Variants in NAALADL2 observed in about 807,000 individuals in gnomAD.
NAALADL2 encodes the protein inactive N-acetylated-alpha-linked acidic dipeptidase-like protein 2.
Under a neutral mutation model 87.2 loss-of-function variants are expected in NAALADL2, and 76 were observed. The observed-to-expected ratio is 0.87, with a 90% CI of 0.72 to 1.05. The LOEUF (loss-of-function observed/expected upper bound fraction) is 1.05, where lower values mean the gene tolerates loss of function less well. Ranked by LOEUF, NAALADL2 falls within the 50% of genes least tolerant of loss-of-function variation. The pLI is 0.00. For missense variants in NAALADL2, 1,089 were observed against 945.8 expected, an observed-to-expected ratio of 1.15 and a Z score of -1.99; for synonymous variants, 354 against 331.0, an observed-to-expected ratio of 1.07 and a Z score of -0.75.
intron 2 of NAALADL2, among the ~76,000 whole-genome samples, chr3:174,654,385 G>T (rs1330853683): frequency 6.6e-6 from 1 of 152,136 alleles, no homozygotes; most frequent in East Asian, 1.9e-4. Context: ...TGAAATCAAT[G>T]ATTCTTAAAT....
At chr3:175,398,538 T>C (rs1051598485) in intron 5 of NAALADL2, among the ~76,000 whole-genome samples, 6 of 136,752 alleles carry the variant, frequency 4.4e-5, no homozygotes, top group Non-Finnish European at 9.8e-5. Flanking sequence ...TAAAAACAAC[T>C]ATAAGGAAGT....
intron 2 of NAALADL2, among the ~76,000 whole-genome samples, chr3:174,604,975 ACTC>A (rs1718850725): frequency 6.8e-6 from 1 of 147,866 alleles, no homozygotes; most frequent in Admixed American, 6.7e-5. Context: ...CTGATCTTGA[ACTC>A]CTGACCTCAG....
chr3:174,593,129 T>A lies in NAALADL2; in HGVS notation c.-115+42492T>A, dbSNP rs556520804. On this transcript the variant is annotated intron_variant, in intron 2 of 3. Coordinates refer to the NAALADL2 transcript ENST00000434257. ...AGAATTGTCAAATATATTCTTTACA[T>A]CTTGGATGGTAGCTAATTATAATAC... Among the ~76,000 whole-genome samples, 6 of 152,274 alleles carry A rather than the reference T, an allele frequency of 3.9e-5. No individual in the cohort carries two copies. The South Asian group carries it at 1.2e-3, about 32-fold the overall frequency.
intron 11 of NAALADL2, among the ~76,000 whole-genome samples, chr3:175,631,104 T>C (rs996306806): frequency 6.6e-6 from 1 of 151,656 alleles, no homozygotes; most frequent in Admixed American, 6.6e-5. Flanking sequence ...ACTATTATCC[T>C]CTTCCAATGA....
At chr3:175,174,235 C>T (rs560174514) in intron 2 of NAALADL2, among the ~76,000 whole-genome samples, 1 of 152,182 alleles carries the variant, frequency 6.6e-6, no homozygotes, top group East Asian at 1.9e-4. Flanking sequence ...CAAGTTACCC[C>T]GTGTTTAATA....
At chr3:175,468,605 CA>C (rs1582017518) in intron 8 of NAALADL2, among the ~76,000 whole-genome samples, 1 of 151,776 alleles carries the variant, frequency 6.6e-6, no homozygotes, top group African/African-American at 2.4e-5. Flanking sequence ...TTTGCTATTT[CA>C]AACTATATTT....
intron 1 of NAALADL2, among the ~76,000 whole-genome samples, chr3:174,495,043 G>A (rs1718428819): frequency 6.6e-6 from 1 of 152,128 alleles, no homozygotes; most frequent in Non-Finnish European, 1.5e-5. Context: ...GAAAGTGAAT[G>A]TAATAGTGTT....
Position 175,667,245 on chromosome 3 carries a change from GAAAGAAAGAAAGAAAGA to G in NAALADL2, c.1896+39862_1896+39878del, listed in dbSNP as rs1560943763. 4.8e-3 allele frequency among the ~76,000 whole-genome samples: 590 copies of G among 122,462 alleles called. 10 individuals are homozygous for G. Among genetic ancestry groups the G allele is most frequent in the African/African-American group, 0.013 (360 of 28,750 alleles). 80.3% of individuals were successfully genotyped at this position (122,462 alleles called of 152,430 possible). ...AAAGAAAGAAAGAAAGAAAGAAAAA[GAAAGAAAGAAAGAAAGA>G]AAGGAAGGAAGGGATGGGGATCTGA... On this transcript the variant is annotated intron_variant, in intron 11 of 13. Coordinates refer to ENST00000454872, the MANE Select transcript of NAALADL2 (RefSeq NM_207015.3).
chr3:175,392,569 C>T (rs1769209144), intron 5 of NAALADL2, among the ~76,000 whole-genome samples: 1 of 152,100 alleles, frequency 6.6e-6, no homozygotes, highest in Non-Finnish European at 1.5e-5. Flanking sequence ...ATTTATTTCC[C>T]TCATGATTTT....
intron 9 of NAALADL2, among the ~76,000 whole-genome samples, chr3:175,481,117 T>C (rs1055751373): frequency 2.0e-5 from 3 of 151,954 alleles, no homozygotes; most frequent in South Asian, 2.1e-4. Context: ...AAAAGCAGTA[T>C]TATCATTGGT....
intron 6 of NAALADL2, chr3:175,460,180 G>T (rs1279330917): frequency 2.2e-6 from 1 of 456,460 alleles, no homozygotes; most frequent in Non-Finnish European, 4.4e-6. Flanking sequence ...CAGCAGGTGT[G>T]TCTTTAGAGC....
At chr3:174,607,878 ACAC>A in intron 2 of NAALADL2, among the ~76,000 whole-genome samples, 1 of 151,936 alleles carries the variant, frequency 6.6e-6, no homozygotes, top group South Asian at 2.1e-4. Context: ...TTTCAGCACC[ACAC>A]CACACCTATT....
intron 3 of NAALADL2, among the ~76,000 whole-genome samples, chr3:174,829,652 A>G (rs1331047178): frequency 7.0e-6 from 1 of 142,488 alleles, no homozygotes; most frequent in East Asian, 2.0e-4. Flanking sequence ...GGCTGGGTCA[A>G]ATGGTATTTC....
At chr3:175,115,744 A>T (rs1725012141) in intron 2 of NAALADL2, among the ~76,000 whole-genome samples, 1 of 151,626 alleles carries the variant, frequency 6.6e-6, no homozygotes, top group South Asian at 2.1e-4. Context: ...AGTCAGATTT[A>T]AAAATTTCAT....
intron 2 of NAALADL2, among the ~76,000 whole-genome samples, chr3:175,160,971 A>G (rs963684294): frequency 6.6e-6 from 1 of 152,162 alleles, no homozygotes; most frequent in African/African-American, 2.4e-5. Flanking sequence ...AACAAAATGT[A>G]TCTTGGAATT....
At chr3:175,035,600 G>C (rs1753315562) in intron 1 of NAALADL2, among the ~76,000 whole-genome samples, 1 of 151,844 alleles carries the variant, frequency 6.6e-6, no homozygotes, top group Non-Finnish European at 1.5e-5. Flanking sequence ...TTGATGCTGT[G>C]TTTTAATATT....
chr3:175,698,594 A>G (rs771186863), intron 11 of NAALADL2, among the ~76,000 whole-genome samples: 4 of 149,920 alleles, frequency 2.7e-5, no homozygotes, highest in South Asian at 4.2e-4. Context: ...AGACTGTTAT[A>G]TCATTAAAGA....
At chr3:175,350,175 T>G (rs568195520) in intron 5 of NAALADL2, among the ~76,000 whole-genome samples, 73 of 152,306 alleles carry the variant, frequency 4.8e-4, no homozygotes, top group African/African-American at 1.7e-3. Context: ...ATCCTTTTCC[T>G]TTTGGTTTTG....
chr3:175,134,258 A>G (rs1257908304), intron 2 of NAALADL2, among the ~76,000 whole-genome samples: 2 of 152,206 alleles, frequency 1.3e-5, no homozygotes, highest in South Asian at 2.1e-4. Flanking sequence ...ATTTTAGACA[A>G]ATTGCTTCAA....
Sources: allele counts gnomAD v4.1 joint callset (sites outside exome capture counted in the v4.1 genomes callset), GRCh38; gene constraint gnomAD v4.1.1; transcripts MANE v1.5; gene names NCBI Gene and HGNC (gene_info 2026-07-23, HGNC 2026-07-21).